Variants in CSNK1G1 observed in about 807,000 individuals in gnomAD.
CSNK1G1 encodes casein kinase I isoform gamma-1.
In CSNK1G1, 22 loss-of-function variants were observed where a neutral mutation model predicts 59.6. The observed-to-expected ratio is 0.37, with a 90% CI of 0.26 to 0.53. The LOEUF (loss-of-function observed/expected upper bound fraction) is 0.53, where lower values mean the gene tolerates loss of function less well. Among genes scored for constraint, CSNK1G1 ranks in the 20% least tolerant of loss-of-function variants. The pLI, the probability that CSNK1G1 is intolerant of heterozygous loss-of-function variation, is 0.89. For missense variants in CSNK1G1, 384 were observed against 519.5 expected, an observed-to-expected ratio of 0.74 and a Z score of 2.54; for synonymous variants, 179 against 177.1, an observed-to-expected ratio of 1.01 and a Z score of -0.08.
At position 64,300,538 on chromosome 15, in the gene CSNK1G1, G is replaced by A; in HGVS notation, c.-39C>T. 1 of 1,590,956 alleles carries A rather than the reference G, an allele frequency of 6.3e-7. No homozygotes were observed. Among genetic ancestry groups the A allele is most frequent in the Non-Finnish European group, 8.6e-7 (1 of 1,167,240 alleles). On this transcript the variant is annotated 5_prime_UTR_variant, in exon 2 of 12. Coordinates refer to ENST00000303052, the MANE Select transcript of CSNK1G1 (RefSeq NM_022048.5). The stretch of plus-strand genomic sequence containing the variant: ...AGAGTCTCCTATAGTACAGCAAGTA[G>A]CTTCAGTATGTATACCTCTCTTCAA...
chr15:64,299,032 T>G (rs1895175704), intron 2 of CSNK1G1, among the ~76,000 whole-genome samples: 1 of 151,706 alleles, frequency 6.6e-6, no homozygotes, highest in African/African-American at 2.4e-5. Flanking sequence ...AGAGCAACAC[T>G]CCATCTCAAA....
intron 1 of CSNK1G1, among the ~76,000 whole-genome samples, chr15:64,318,465 T>C (rs1183006835): frequency 3.3e-5 from 5 of 152,160 alleles, no homozygotes; most frequent in Non-Finnish European, 5.9e-5. Context: ...TTATTGTTTT[T>C]TGGTTAATTC....
At position 64,168,626 on chromosome 15, in the gene CSNK1G1, G is replaced by C. The variant is rs1188880270; in HGVS notation, c.*3305C>G. On this transcript the variant is annotated 3_prime_UTR_variant, in exon 12 of 12. Coordinates refer to ENST00000303052, the MANE Select transcript of CSNK1G1 (RefSeq NM_022048.5). ...TCAATCCTAAAGAAAAAGATCGTTA[G>C]GCACCATACTTGTGAAATGGAGAAA... 1 of 152,224 alleles carries C rather than the reference G, an allele frequency of 6.6e-6. No individual in the cohort carries two copies. The highest frequency in any genetic ancestry group is 1.5e-5 in the Non-Finnish European group (1 of 68,054). The allele number at this position is 152,224 out of a possible 1,614,324, so 9.4% of individuals were successfully genotyped here. A position where few individuals can be genotyped will look rare whatever the true frequency, so the allele number is the denominator to read the frequency against.
chr15:64,345,102 T>C (rs1897881699), intron 1 of CSNK1G1, among the ~76,000 whole-genome samples: 2 of 152,234 alleles, frequency 1.3e-5, no homozygotes, highest in Admixed American at 1.3e-4. Context: ...TTAGATGTCA[T>C]TATACCAATT....
chr15:64,297,985 G>C (rs1019218662), intron 2 of CSNK1G1, among the ~76,000 whole-genome samples: 3 of 152,108 alleles, frequency 2.0e-5, no homozygotes, highest in East Asian at 1.9e-4. Context: ...TATGGTCCCA[G>C]GGCTAATGAA....
At position 64,170,283 on chromosome 15, in the gene CSNK1G1, C is replaced by T. The variant is rs1049683636; in HGVS notation, c.*1648G>A. The T allele has an allele frequency of 2.6e-5, 4 of 152,190 alleles. No individual in the cohort carries two copies. Among genetic ancestry groups the T allele is most frequent in the African/African-American group, 9.7e-5 (4 of 41,432 alleles). The allele number at this position is 152,190 out of a possible 1,614,324, so 9.4% of individuals were successfully genotyped here. On this transcript the variant is annotated 3_prime_UTR_variant, in exon 12 of 12. Transcript: ENST00000303052. The stretch of plus-strand genomic sequence containing the variant: ...CACAGTAGTACCTCATATGAAAACA[C>T]CATGGGGGGAGGCCTAGGGCATACT...
rs1010387707 is a variant in CSNK1G1 at position 64,188,910 on chromosome 15, G to A, written c.1108-8456C>T. Among the ~76,000 whole-genome samples, 4 of 152,142 alleles carry A rather than the reference G, an allele frequency of 2.6e-5. No individual in the cohort carries two copies. The highest frequency in any genetic ancestry group is 7.2e-5 in the African/African-American group (3 of 41,430). ...TGGGAGGCCAAGGTGGGCGGATCACGAGGTCTGGAGTTCGAGACCAGCCTG... is the reference window on the plus strand; with the variant it reads ...TGGGAGGCCAAGGTGGGCGGATCACAAGGTCTGGAGTTCGAGACCAGCCTG... On this transcript the variant is annotated intron_variant, in intron 10 of 11. Coordinates refer to ENST00000303052, the MANE Select transcript of CSNK1G1 (RefSeq NM_022048.5). The surrounding 1 kb of genome is among the most constrained non-coding windows in gnomAD (Gnocchi z 4.2).
chr15:64,265,962 T>C (rs948520110), intron 2 of CSNK1G1: 1 of 370,644 alleles, frequency 2.7e-6, no homozygotes, highest in Non-Finnish European at 5.4e-6. Context: ...TAAGTGCCTA[T>C]AATCCTAGCT....
At chr15:64,331,108 A>C (rs896881119) in intron 1 of CSNK1G1, among the ~76,000 whole-genome samples, 22 of 149,436 alleles carry the variant, frequency 1.5e-4, no homozygotes, top group African/African-American at 5.2e-4. Context: ...TGCCCAAGGT[A>C]ATTTACAGAT....
At chr15:64,277,919 ATAT>A (rs1893824927) in intron 2 of CSNK1G1, among the ~76,000 whole-genome samples, 2 of 144,078 alleles carry the variant, frequency 1.4e-5, no homozygotes, top group Admixed American at 1.4e-4. Flanking sequence ...TTTAATAATA[ATAT>A]TGATATATTT....
rs538536321 is a variant in CSNK1G1, at chr15:64,313,127, T to C, written c.-224-12404A>G. 3.9e-5 allele frequency among the ~76,000 whole-genome samples: 6 copies of C among 152,272 alleles called. No individual in the cohort carries two copies. In the East Asian group the frequency reaches 1.2e-3, roughly 29 times the overall value. On this transcript the variant is annotated intron_variant, in intron 1 of 11. Coordinates refer to ENST00000303052, the MANE Select transcript of CSNK1G1 (RefSeq NM_022048.5). ...AGATGCTGGAGAGGATGTGGAGAAA[T>C]AGGAATGCTTTTACACTGTTGGTGG...
intron 2 of CSNK1G1, among the ~76,000 whole-genome samples, chr15:64,262,313 G>T (rs1892735893): frequency 6.6e-6 from 1 of 152,210 alleles, no homozygotes; most frequent in African/African-American, 2.4e-5. Flanking sequence ...ATACAAATGA[G>T]TCAGTAGAAG....
chr15:64,214,020 T>C lies in CSNK1G1; in HGVS notation c.549A>G (p.Ile183Met), dbSNP rs1596103935. Residue 183 changes from isoleucine (I) to methionine (M), a missense_variant, in exon 6 of 12, where the codon ATA becomes ATG. By Grantham distance (10) the Ile-to-Met change is conservative. Transcript: ENST00000303052. This position sits in a 1 kb window ranked among gnomAD's most constrained non-coding sequence, Gnocchi z 4.3. ...GRQGNKKEHV[I>M]HIIDFGLAKE... ...TGGCCAGTCCAAAGTCTATAATGTG[T>C]ATAACATGCTCTTTCTTATTGCCTT... 6.2e-7 allele frequency: 1 copy of C among 1,614,128 alleles called. No homozygotes were observed. The highest frequency in any genetic ancestry group is 8.5e-7 in the Non-Finnish European group (1 of 1,179,972).
chr15:64,318,800 G>C (rs141647870), intron 1 of CSNK1G1, among the ~76,000 whole-genome samples: 1 of 151,658 alleles, frequency 6.6e-6, no homozygotes, highest in Non-Finnish European at 1.5e-5. Flanking sequence ...TAGTAGAGAC[G>C]AGGTTTCACC....
At chr15:64,179,773 A>G (rs1415023158) in intron 11 of CSNK1G1, among the ~76,000 whole-genome samples, 1 of 152,232 alleles carries the variant, frequency 6.6e-6, no homozygotes, top group Non-Finnish European at 1.5e-5. Flanking sequence ...AGAGAAGCAG[A>G]AAAGGGTGTG....
chr15:64,267,798 G>A (rs1425226713), intron 2 of CSNK1G1, among the ~76,000 whole-genome samples: 10 of 152,078 alleles, frequency 6.6e-5, no homozygotes, highest in Non-Finnish European at 2.9e-5. Context: ...TTCCACTACT[G>A]GGTATATATT....
At chr15:64,223,762 T>C (rs941715175) in intron 4 of CSNK1G1, among the ~76,000 whole-genome samples, 3 of 152,222 alleles carry the variant, frequency 2.0e-5, no homozygotes, top group African/African-American at 4.8e-5. Flanking sequence ...GAAAGAGCCT[T>C]TCCATCATCA....
chr15:64,241,551 G>A (rs2082693811), intron 4 of CSNK1G1, among the ~76,000 whole-genome samples: 1 of 152,102 alleles, frequency 6.6e-6, no homozygotes, highest in Non-Finnish European at 1.5e-5. Context: ...CAGGCCATGT[G>A]TTAGGCCTCA....
chr15:64,285,115 T>C (rs1894339310), intron 2 of CSNK1G1, among the ~76,000 whole-genome samples: 1 of 152,070 alleles, frequency 6.6e-6, no homozygotes, highest in African/African-American at 2.4e-5. Flanking sequence ...TTCATGAAAA[T>C]GTTTATTGTT....
Sources: allele counts gnomAD v4.1 joint callset (sites outside exome capture counted in the v4.1 genomes callset), GRCh38; gene constraint gnomAD v4.1.1; non-coding constraint Gnocchi (gnomAD v3.1); transcripts MANE v1.5; gene names NCBI Gene and HGNC (gene_info 2026-07-23, HGNC 2026-07-21).